The following CARMIL3 variants were observed in gnomAD, a reference collection of about 807,000 sequenced individuals.
CARMIL3 encodes the protein capping protein regulator and myosin 1 linker 3.
CARMIL3 carries 88 observed loss-of-function variants against 180.8 expected under a neutral mutation model. The ratio of observed to expected loss-of-function variants is 0.49; its 90% CI spans 0.41 to 0.58. The LOEUF is 0.58. Among genes scored for constraint, CARMIL3 ranks in the 20% least tolerant of loss-of-function variants. CARMIL3 has a pLI of 0.00. For missense variants in CARMIL3, 1,548 were observed against 1,787.0 expected, an observed-to-expected ratio of 0.87 and a Z score of 2.41; for synonymous variants, 696 against 714.5, an observed-to-expected ratio of 0.97 and a Z score of 0.41.
rs767296947 is a variant in CARMIL3 at position 24,063,470 on chromosome 14, G to A, written c.2916G>A (p.Arg972=). 8.0e-5 allele frequency: 129 copies of A among 1,613,644 alleles called. No individual in the cohort carries two copies. The highest frequency in any genetic ancestry group is 1.1e-4 in the Non-Finnish European group (124 of 1,180,012). Residue 972 remains arginine (R), a synonymous_variant, in exon 31 of 40, where the codon AGG becomes AGA. Transcript: ENST00000342740. ...TGCCCACTCATGGTTACAAACTAAG[G>A]CATCAAACACAAGGGAGGCCCCGCC... is the stretch of plus-strand genomic sequence containing the variant. ...SELPTHGYKL[R]HQTQGRPRPP...
intron 10 of CARMIL3, 66 bp downstream of exon 10, chr14:24,055,855 A>C: frequency 7.0e-7 from 1 of 1,426,474 alleles, no homozygotes; most frequent in Middle Eastern, 1.8e-4. Flanking sequence ...CCAGAACCTC[A>C]GAGCATGATG....
Position 24,054,587 on chromosome 14 carries a change from A to G in CARMIL3, c.362+76A>G. 6.6e-7 allele frequency: 1 copy of G among 1,519,430 alleles called. No individual in the cohort carries two copies. Among genetic ancestry groups the G allele is most frequent in the Non-Finnish European group, 9.0e-7 (1 of 1,108,594 alleles). 94.1% of individuals were successfully genotyped at this position (1,519,430 alleles called of 1,614,324 possible). On this transcript the variant is annotated intron_variant, in intron 5 of 39. Transcript: ENST00000342740. This position sits in a 1 kb window ranked among gnomAD's most constrained non-coding sequence, Gnocchi z 5.1. ...CATCCCTTCCTCCTTCCCCTGGGCC[A>G]GGGCTGAGAAGGAGAGCTCTCATGT...
At chr14:24,056,144 G>A (rs1338913811) in intron 10 of CARMIL3, among the ~76,000 whole-genome samples, 155 bp from the exon 11 acceptor site, 4 of 152,306 alleles carry the variant, frequency 2.6e-5, no homozygotes, top group Middle Eastern at 6.8e-3. Flanking sequence ...CCGGAGTGGT[G>A]ACAAGCTCCC....
intron 36 of CARMIL3, 41 bp downstream of exon 36, chr14:24,066,697 A>C: frequency 6.2e-7 from 1 of 1,600,688 alleles, no homozygotes; most frequent in South Asian, 1.1e-5. Context: ...CTGAAAGCCC[A>C]GGGTGTGTCC....
At chr14:24,062,413 A>G in intron 27 of CARMIL3, 67 bp from the exon 28 acceptor site, 3 of 1,374,302 alleles carry the variant, frequency 2.2e-6, no homozygotes, top group East Asian at 4.6e-5. Flanking sequence ...TGGGAGAGGG[A>G]GTGCCTCAGG....
chr14:24,062,428 A>G, intron 27 of CARMIL3, 52 bp from the exon 28 acceptor site: 3 of 1,507,136 alleles, frequency 2.0e-6, no homozygotes, highest in Non-Finnish European at 1.8e-6. Context: ...CTCAGGGGCC[A>G]TGCGGGGGAC....
In CARMIL3 at chr14:24,064,363, C is replaced by T; in HGVS notation, c.3080+17C>T. ...AAGTTCTAGGTGTGATGCCTAAACA[C>T]ACTCCCATTTTCAGCAGGCCCCAAG... On this transcript the variant is annotated intron_variant, in intron 32 of 39. Coordinates refer to ENST00000342740, the MANE Select transcript of CARMIL3 (RefSeq NM_138360.4). 2.5e-6 allele frequency: 4 copies of T among 1,578,724 alleles called. No homozygotes were observed. Among genetic ancestry groups the T allele is most frequent in the Non-Finnish European group, 3.5e-6 (4 of 1,153,812 alleles).
intron 10 of CARMIL3, 42 bp downstream of exon 10, chr14:24,055,831 G>C: frequency 6.4e-7 from 1 of 1,560,736 alleles, no homozygotes; most frequent in Non-Finnish European, 8.8e-7. Context: ...CACCCTTGAT[G>C]TAGTTTTAGG....
intron 24 of CARMIL3, 43 bp downstream of exon 24, chr14:24,060,298 C>A: frequency 6.3e-7 from 1 of 1,599,726 alleles, no homozygotes; most frequent in Non-Finnish European, 8.6e-7. Flanking sequence ...CCGGGGCATG[C>A]AGGGCACAGT....
At position 24,061,811 on chromosome 14, in the gene CARMIL3, C is replaced by T. The variant is rs1181928003; in HGVS notation, c.2480+139C>T. On this transcript the variant is annotated intron_variant, in intron 27 of 39. Transcript: ENST00000342740. This position sits in a 1 kb window ranked among gnomAD's most constrained non-coding sequence, Gnocchi z 4.1. ...AGGATCAATCTTTAACCAAGTGCAA[C>T]CTTGCTATTTAGGGTCTGGCTGGTC... The T allele has an allele frequency of 9.7e-7, 1 of 1,027,868 alleles. No individual in the cohort carries two copies. The highest frequency in any genetic ancestry group is 1.4e-6 in the Non-Finnish European group (1 of 726,032). 63.7% of individuals were successfully genotyped at this position (1,027,868 alleles called of 1,614,324 possible).
chr14:24,055,648 G>A (rs2035664368), intron 9 of CARMIL3, 30 bp downstream of exon 9: 4 of 1,613,934 alleles, frequency 2.5e-6, no homozygotes, highest in African/African-American at 2.7e-5. Context: ...GGTGAGGTGG[G>A]AGAAGTAGTG....
In CARMIL3 at chr14:24,055,932, C is replaced by T. The variant is rs2035667706; in HGVS notation, c.770+143C>T. Reference sequence around the variant, plus strand: ...AGAGGAGACCAAGGCCAAAAGAGGGCACAAAGCAAGTCGGAGGTCAAGCTA... The same window carrying T: ...AGAGGAGACCAAGGCCAAAAGAGGGTACAAAGCAAGTCGGAGGTCAAGCTA... On this transcript the variant is annotated intron_variant, in intron 10 of 39. Coordinates refer to ENST00000342740, the MANE Select transcript of CARMIL3 (RefSeq NM_138360.4). The T allele has an allele frequency of 2.1e-5, 17 of 809,932 alleles. No homozygotes were observed. The Admixed American group carries it at 3.5e-4, about 17-fold the overall frequency. 50.2% of individuals were successfully genotyped at this position (809,932 alleles called of 1,614,324 possible).
rs374294844 is a variant in CARMIL3, at chr14:24,061,695, G to A, written c.2480+23G>A. On this transcript the variant is annotated intron_variant, in intron 27 of 39. Transcript: ENST00000342740. This position sits in a 1 kb window ranked among gnomAD's most constrained non-coding sequence, Gnocchi z 4.1. ...GGAGTGAGAGGCAAAGGGCAGGGCTGGGGCTGAGCTGGATTTGGCCCAGAT... is the reference window on the plus strand; with the variant it reads ...GGAGTGAGAGGCAAAGGGCAGGGCTAGGGCTGAGCTGGATTTGGCCCAGAT... The A allele has an allele frequency of 2.5e-4, 400 of 1,604,418 alleles. 1 individual carries two copies. The highest frequency in any genetic ancestry group is 3.3e-4 in the Non-Finnish European group (392 of 1,174,070).
Position 24,058,253 on chromosome 14 carries a change from C to G in CARMIL3, c.1392+29C>G. 1 of 1,602,628 alleles carries G rather than the reference C, an allele frequency of 6.2e-7. No homozygotes were observed. The highest frequency in any genetic ancestry group is 8.5e-7 in the Non-Finnish European group (1 of 1,174,404). ...AGCCCTCAGTCCCCAACCCCTCTGC[C>G]CGCCTCCGATCCATGTGCATTTCTC... On this transcript the variant is annotated intron_variant, in intron 17 of 39. Transcript: ENST00000342740. The surrounding 1 kb of genome is among the most constrained non-coding windows in gnomAD (Gnocchi z 6.4).
chr14:24,058,817 T>C lies in CARMIL3; in HGVS notation c.1474+56T>C. ...CAGGGGAGAACAGGGGCCTGGAGCA[T>C]GCAGAAGCAGCCCTGATGGGACACC... On this transcript the variant is annotated intron_variant, in intron 18 of 39. Coordinates refer to ENST00000342740, the MANE Select transcript of CARMIL3 (RefSeq NM_138360.4). This position sits in a 1 kb window ranked among gnomAD's most constrained non-coding sequence, Gnocchi z 6.4. 2 of 1,612,630 alleles carry C rather than the reference T, an allele frequency of 1.2e-6. No homozygotes were observed. The highest frequency in any genetic ancestry group is 1.7e-6 in the Non-Finnish European group (2 of 1,178,732).
chr14:24,055,925 A>C, intron 10 of CARMIL3, 136 bp downstream of exon 10: 1 of 837,232 alleles, frequency 1.2e-6, no homozygotes, highest in Non-Finnish European at 1.9e-6. Flanking sequence ...CCAAGGCCAA[A>C]AGAGGGCACA....
chr14:24,057,208 C>A lies in CARMIL3; in HGVS notation c.1104C>A (p.His368Gln), dbSNP rs1173880245. 12 of 1,614,002 alleles carry A rather than the reference C, an allele frequency of 7.4e-6. No individual in the cohort carries two copies. The highest frequency in any genetic ancestry group is 1.0e-5 in the Non-Finnish European group (12 of 1,179,988). ...SFLAQPNALVHLDLSGTDCVI... is the reference protein window; with the variant it reads ...SFLAQPNALVQLDLSGTDCVI... ...TGGCCCAACCCAACGCCCTGGTGCA[C>A]CTGGACCTGTCAGGAACTGACTGCG... Residue 368 changes from histidine (H) to glutamine (Q), a missense_variant, in exon 14 of 40, where the codon CAC becomes CAA. By Grantham distance (24) the His-to-Gln change is conservative. Around this residue, in one of 4 missense-constraint regions of CARMIL3, gnomAD observed 578 missense variants for 666.5 expected, o/e 0.87. Coordinates refer to ENST00000342740, the MANE Select transcript of CARMIL3 (RefSeq NM_138360.4).
At position 24,055,391 on chromosome 14, in the gene CARMIL3, G is replaced by A. The variant is rs2035661989; in HGVS notation, c.605+81G>A. ...AGCCCTTCCCAGGAGTGCCCTTCTG[G>A]TCCCACAGCCCCAGCTCTATCTCCC... On this transcript the variant is annotated intron_variant, in intron 8 of 39. Transcript: ENST00000342740. The A allele has an allele frequency of 2.6e-6, 4 of 1,545,160 alleles. No individual in the cohort carries two copies. The African/African-American group carries it at 4.1e-5, about 16-fold the overall frequency.
In CARMIL3 at chr14:24,058,780, C is replaced by A. The variant is rs951532981; in HGVS notation, c.1474+19C>A. On this transcript the variant is annotated intron_variant, in intron 18 of 39. Coordinates refer to ENST00000342740, the MANE Select transcript of CARMIL3 (RefSeq NM_138360.4). The surrounding 1 kb of genome is among the most constrained non-coding windows in gnomAD (Gnocchi z 6.4). ...GACAATGGTGAGTAGTGGTTCCTCC[C>A]TTCCCTGGGGCCAGGGGAGAACAGG... 6.2e-7 allele frequency: 1 copy of A among 1,613,932 alleles called. No homozygotes were observed. The highest frequency in any genetic ancestry group is 8.5e-7 in the Non-Finnish European group (1 of 1,179,826).
Sources: allele counts gnomAD v4.1 joint callset (sites outside exome capture counted in the v4.1 genomes callset), GRCh38; gene constraint gnomAD v4.1.1; regional missense constraint gnomAD v4.1.1; non-coding constraint Gnocchi (gnomAD v3.1); transcripts MANE v1.5; gene names NCBI Gene and HGNC (gene_info 2026-07-23, HGNC 2026-07-21).